Variants in PSME1 observed in about 807,000 individuals in gnomAD.
PSME1 encodes proteasome activator complex subunit 1.
PSME1 carries 15 observed loss-of-function variants against 38.4 expected under a neutral mutation model. That is an observed-to-expected ratio of 0.39 (90% confidence interval 0.26 to 0.60). PSME1 has a LOEUF of 0.60. PSME1 is among the 20% of genes least tolerant of loss of function. The probability of loss-of-function intolerance (pLI) is 0.53; values close to 1 mark genes in which losing one functional copy is unlikely to be tolerated. For missense variants in PSME1, 249 were observed against 305.6 expected (o/e 0.81, Z 1.38); for synonymous variants, 106 against 106.8 (o/e 0.99, Z 0.05).
rs1354889318 is a variant in PSME1, at chr14:24,136,600, T to G, written c.39+299T>G. Among the ~76,000 whole-genome samples the G allele has an allele frequency of 2.0e-5, 3 of 152,098 alleles. No individual in the cohort carries two copies. On this transcript the variant is annotated intron_variant, in intron 1 of 10. Transcript: ENST00000206451. This position sits in a 1 kb window ranked among gnomAD's most constrained non-coding sequence, Gnocchi z 4.8. ...GGACTGCCCCAGCTACCTTCTGGCC[T>G]TTCCCTCAGGGAGGGTCCCGGGGCC... is the stretch of plus-strand genomic sequence containing the variant.
At position 24,136,727 on chromosome 14, in the gene PSME1, C is replaced by G. The variant is rs1333934663; in HGVS notation, c.40-258C>G. ...TCTCACGTGAACACTGGCCCTTCACCGCCAGGAATGTTCTCATCCCCCATA... is the reference window on the plus strand; with the variant it reads ...TCTCACGTGAACACTGGCCCTTCACGGCCAGGAATGTTCTCATCCCCCATA... On this transcript the variant is annotated intron_variant, in intron 1 of 10. Coordinates refer to ENST00000206451, the MANE Select transcript of PSME1 (RefSeq NM_006263.4). This position sits in a 1 kb window ranked among gnomAD's most constrained non-coding sequence, Gnocchi z 4.8. Among the ~76,000 whole-genome samples the G allele has an allele frequency of 6.6e-6, 1 of 152,068 alleles. No homozygotes were observed. Among genetic ancestry groups the G allele is most frequent in the Non-Finnish European group, 1.5e-5 (1 of 68,002 alleles).
Position 24,138,273 on chromosome 14 carries a change from C to T in PSME1, c.527+10C>T, listed in dbSNP as rs776418078. 3.2e-5 allele frequency: 51 copies of T among 1,613,934 alleles called. 4 individuals carry two copies. The Admixed American group carries it at 3.5e-4, about 11-fold the overall frequency. ...ACACTCAAATCTCTAAGTGAGTGACCACCCATGTGCACACTGTTTTTGTTT... is the reference window on the plus strand; with the variant it reads ...ACACTCAAATCTCTAAGTGAGTGACTACCCATGTGCACACTGTTTTTGTTT... On this transcript the variant is annotated intron_variant, in intron 8 of 10. Coordinates refer to ENST00000206451, the MANE Select transcript of PSME1 (RefSeq NM_006263.4).
chr14:24,138,535 T>C lies in PSME1; in HGVS notation c.644T>C (p.Met215Thr). 1 of 1,614,056 alleles carries C rather than the reference T, an allele frequency of 6.2e-7. No individual in the cohort carries two copies. Among genetic ancestry groups the C allele is most frequent in the Non-Finnish European group, 8.5e-7 (1 of 1,180,008 alleles). ...DEAEYRDIRL[M>T]VMEIRNAYAV... Reference sequence around the variant, plus strand: ...GCAGAGTACCGGGACATCCGGCTGATGGTCATGGAGATCCGCAATGCTTAT... The same window carrying C: ...GCAGAGTACCGGGACATCCGGCTGACGGTCATGGAGATCCGCAATGCTTAT... Residue 215 changes from methionine to threonine, a missense_variant, in exon 10 of 11, where the codon ATG becomes ACG. Transcript: ENST00000206451.
At chr14:24,137,118 T>C in intron 2 of PSME1, 25 bp from the exon 3 acceptor site, 3 of 1,613,862 alleles carry the variant, frequency 1.9e-6, no homozygotes, top group Non-Finnish European at 2.5e-6. Context: ...ACTCCCATCC[T>C]CCTCCACCCC....
chr14:24,138,812 A>C lies in PSME1; in HGVS notation c.746A>C (p.Tyr249Ser), dbSNP rs757143981. The C allele has an allele frequency of 6.2e-7, 1 of 1,613,812 alleles. No individual in the cohort carries two copies. The highest frequency in any genetic ancestry group is 8.5e-7 in the Non-Finnish European group (1 of 1,179,690). The change falls in exon 11 of 11, where the codon TAT becomes TCT. Residue 249 changes from tyrosine to serine, a missense_variant. Physicochemically the swap from Tyr to Ser is moderately radical, Grantham distance 144. Transcript: ENST00000206451. The part of the protein sequence containing the change: ...KPRGETKGMI[Y>S] ...AGGGGAGAAACAAAGGGAATGATCT[A>C]TTGAGAGCCCTCTCTCCCATTCTGT...
chr14:24,138,694 C>T, intron 10 of PSME1, 42 bp from the exon 11 acceptor site: 1 of 1,613,914 alleles, frequency 6.2e-7, no homozygotes, highest in Middle Eastern at 1.7e-4. Flanking sequence ...GGCACAGAGC[C>T]ACTGGAGGCC....
chr14:24,138,134 A>C lies in PSME1; in HGVS notation c.459+17A>C. On this transcript the variant is annotated intron_variant, in intron 7 of 10. Coordinates refer to ENST00000206451, the MANE Select transcript of PSME1 (RefSeq NM_006263.4). ...GCTGTCCAGGTGAGAGCGCTGCCCC[A>C]CTTCCCTGCTCTTTTCTAGTCCATG... 6.2e-7 allele frequency: 1 copy of C among 1,614,038 alleles called. No homozygotes were observed.
At chr14:24,137,234 G>C (rs1426976648) in intron 3 of PSME1, 29 bp downstream of exon 3, 2 of 1,612,718 alleles carry the variant, frequency 1.2e-6, no homozygotes, top group Non-Finnish European at 1.7e-6. Flanking sequence ...GAGCTAGGGA[G>C]TAAAGGCCAA....
Position 24,136,833 on chromosome 14 carries a change from C to T in PSME1, c.40-152C>T. 1 of 851,618 alleles carries T rather than the reference C, an allele frequency of 1.2e-6. No homozygotes were observed. The allele number at this position is 851,618 out of a possible 1,614,324, so 52.8% of individuals were successfully genotyped here. On this transcript the variant is annotated intron_variant, in intron 1 of 10. Transcript: ENST00000206451. The surrounding 1 kb of genome is among the most constrained non-coding windows in gnomAD (Gnocchi z 4.8). The stretch of plus-strand genomic sequence containing the variant: ...ACCTTCTCCACCACCCCAACCCACC[C>T]TACAGGCATCCATCTCGCTTTCTTC...
Position 24,138,768 on chromosome 14 carries a change from C to G in PSME1, c.702C>G (p.Phe234Leu). ...TATATGACATCATCCTGAAGAACTT[C>G]GAGAAGCTCAAGAAGCCCAGGGGAG... ...AVLYDIILKN[F>L]EKLKKPRGET... Residue 234 changes from phenylalanine (F) to leucine (L), a missense_variant, in exon 11 of 11, where the codon TTC (phenylalanine) becomes TTG (leucine). By Grantham distance (22) the Phe-to-Leu change is conservative (BLOSUM62 0). Transcript: ENST00000206451. The G allele has an allele frequency of 6.2e-7, 1 of 1,614,160 alleles. No individual in the cohort carries two copies. The highest frequency in any genetic ancestry group is 8.5e-7 in the Non-Finnish European group (1 of 1,180,024).
rs2037931160 is a variant in PSME1, at chr14:24,137,615, G to A, written c.292+50G>A. On this transcript the variant is annotated intron_variant, in intron 5 of 10. Coordinates refer to ENST00000206451, the MANE Select transcript of PSME1 (RefSeq NM_006263.4). ...AGAGACTTGAGTCCCACTCACAGGA[G>A]CTCCTCCTAAGGATTTCTTTCCAGT... The A allele has an allele frequency of 1.9e-6, 3 of 1,612,420 alleles. No homozygotes were observed. The East Asian group carries it at 6.7e-5, about 36-fold the overall frequency.
intron 6 of PSME1, 48 bp downstream of exon 6, chr14:24,137,845 C>T (rs1202997422): frequency 5.0e-6 from 8 of 1,587,818 alleles, no homozygotes; most frequent in Non-Finnish European, 6.9e-6. Context: ...AACCATTGTC[C>T]TCTTGGTCCC....
In PSME1 at chr14:24,137,698, A is replaced by G. The variant is rs775850490; in HGVS notation, c.293-2A>G. The G allele has an allele frequency of 6.2e-7, 1 of 1,613,902 alleles. No homozygotes were observed. Among genetic ancestry groups the G allele is most frequent in the East Asian group, 2.2e-5 (1 of 44,890 alleles). The stretch of plus-strand genomic sequence containing the variant: ...GTGACTGACCCATTGCTCACTCTCT[A>G]GGTCCTCCCTGTGGCCCAGTGAACT... On this transcript the variant is annotated splice_acceptor_variant, in intron 5 of 10. Transcript: ENST00000206451. LOFTEE classifies it high-confidence loss of function.
At chr14:24,138,639 G>C in intron 10 of PSME1, 79 bp downstream of exon 10, 1 of 1,613,578 alleles carries the variant, frequency 6.2e-7, no homozygotes, top group Non-Finnish European at 8.5e-7. Context: ...GCAGGCTAGG[G>C]GTTAAGGGTG....
At chr14:24,137,480 A>G (rs1398654661) in intron 4 of PSME1, 40 bp from the exon 5 acceptor site, 6 of 1,613,948 alleles carry the variant, frequency 3.7e-6, no homozygotes, top group Non-Finnish European at 5.1e-6. Flanking sequence ...GGGGTAATCA[A>G]CCTTAGTCCT....
At chr14:24,138,637 G>A in intron 10 of PSME1, 77 bp downstream of exon 10, 1 of 1,613,320 alleles carries the variant, frequency 6.2e-7, no homozygotes, top group Non-Finnish European at 8.5e-7. Context: ...CTGCAGGCTA[G>A]GGGTTAAGGG....
chr14:24,136,277 G>C lies in PSME1; in HGVS notation c.15G>C (p.Arg5Ser), dbSNP rs946682863. The C allele has an allele frequency of 1.9e-5, 29 of 1,530,302 alleles. No homozygotes were observed. In the African/African-American group the frequency reaches 4.0e-4, roughly 21 times the overall value. The allele number at this position is 1,530,302 out of a possible 1,614,324, so 94.8% of individuals were successfully genotyped here. The change falls in exon 1 of 11, where the codon AGG becomes AGC. Residue 5 changes from arginine (R) to serine (S), a missense_variant. Physicochemically the swap from Arg to Ser is moderately radical, Grantham distance 110. Transcript: ENST00000206451. The surrounding 1 kb of genome is among the most constrained non-coding windows in gnomAD (Gnocchi z 4.8). The part of the protein sequence containing the change: MAML[R>S]VQPEAQAKVD... Reference sequence around the variant, plus strand: ...CCGTCCCGGTCATGGCCATGCTCAGGGTCCAGCCCGAGGCCCAAGCCAAGG... The same window carrying C: ...CCGTCCCGGTCATGGCCATGCTCAGCGTCCAGCCCGAGGCCCAAGCCAAGG...
chr14:24,137,178 G>A lies in PSME1; in HGVS notation c.108G>A (p.Lys36=). 1.9e-6 allele frequency: 3 copies of A among 1,614,206 alleles called. No homozygotes were observed. Among genetic ancestry groups the A allele is most frequent in the Non-Finnish European group, 2.5e-6 (3 of 1,180,046 alleles). Residue 36 remains lysine (K), a synonymous_variant, in exon 3 of 11, where the codon AAG becomes AAA. Coordinates refer to ENST00000206451, the MANE Select transcript of PSME1 (RefSeq NM_006263.4). ...ENLLGSYFPK[K]ISELDAFLKE... The stretch of plus-strand genomic sequence containing the variant: ...TGCTCGGGAGCTATTTCCCCAAGAA[G>A]ATTTCTGAGCTGGATGCATTTTTAA...
At position 24,136,684 on chromosome 14, in the gene PSME1, G is replaced by C. The variant is rs1428865926; in HGVS notation, c.40-301G>C. Among the ~76,000 whole-genome samples the C allele has an allele frequency of 1.3e-5, 2 of 151,912 alleles. No homozygotes were observed. ...CAGCACCCCTCCTCACACCTGCCAG[G>C]CGACCCCAGAGATCTGTTCTCACGT... On this transcript the variant is annotated intron_variant, in intron 1 of 10. Coordinates refer to ENST00000206451, the MANE Select transcript of PSME1 (RefSeq NM_006263.4). This position sits in a 1 kb window ranked among gnomAD's most constrained non-coding sequence, Gnocchi z 4.8.
Sources: allele counts gnomAD v4.1 joint callset (sites outside exome capture counted in the v4.1 genomes callset), GRCh38; gene constraint gnomAD v4.1.1; non-coding constraint Gnocchi (gnomAD v3.1); transcripts MANE v1.5; gene names NCBI Gene and HGNC (gene_info 2026-07-23, HGNC 2026-07-21).